DAAM1: variants seen among roughly 807,000 people sequenced by gnomAD.
The protein encoded by DAAM1 is dishevelled associated activator of morphogenesis 1.
DAAM1 carries 52 observed loss-of-function variants against 130.0 expected under a neutral mutation model. The ratio of observed to expected loss-of-function variants is 0.40; its 90% CI spans 0.32 to 0.50. The LOEUF (loss-of-function observed/expected upper bound fraction) is 0.50. Ranked by LOEUF, DAAM1 falls within the 20% of genes least tolerant of loss-of-function variation. The pLI is 0.61. For missense variants in DAAM1, 1,134 were observed against 1,303.8 expected, an observed-to-expected ratio of 0.87 and a Z score of 2.01; for synonymous variants, 452 against 444.5, an observed-to-expected ratio of 1.02 and a Z score of -0.21.
intron 2 of DAAM1, among the ~76,000 whole-genome samples, chr14:59,275,035 A>C (rs1406567048): frequency 1.3e-5 from 2 of 152,216 alleles, no homozygotes; most frequent in Non-Finnish European, 2.9e-5. Flanking sequence ...TCAGACAAGC[A>C]GCCAAACAAT....
intron 1 of DAAM1, among the ~76,000 whole-genome samples, chr14:59,202,647 C>T (rs1237197056): frequency 5.9e-5 from 9 of 152,228 alleles, no homozygotes. Context: ...AGATTATCCT[C>T]TGTCTTCAGC....
chr14:59,317,810 C>T (rs1036218130), intron 4 of DAAM1, among the ~76,000 whole-genome samples: 3 of 152,182 alleles, frequency 2.0e-5, no homozygotes, highest in Admixed American at 1.3e-4. Flanking sequence ...CCCAAAGACT[C>T]CTTTCCAATT....
chr14:59,315,216 A>C (rs1472019569), intron 3 of DAAM1, 64 bp from the exon 4 acceptor site: 5 of 1,435,590 alleles, frequency 3.5e-6, no homozygotes, highest in African/African-American at 1.4e-5. Flanking sequence ...TGGAAGTCGG[A>C]TGTGTTTCTA....
intron 1 of DAAM1, among the ~76,000 whole-genome samples, chr14:59,241,843 C>T (rs946904733): frequency 2.6e-5 from 4 of 152,038 alleles, no homozygotes; most frequent in African/African-American, 4.8e-5. Context: ...ATCCTAGATC[C>T]GGGGCTTATT....
rs371233471 is a variant in DAAM1, at chr14:59,239,873, C to G, written c.-37-23568C>G. 1.5e-4 allele frequency among the ~76,000 whole-genome samples: 23 copies of G among 152,254 alleles called. 1 individual carries two copies. The highest frequency in any genetic ancestry group is 8.5e-4 in the Admixed American group (13 of 15,294). ...CTTTATCTTTTTAGCACCATACATA[C>G]CGAAACTTGAATTACTTCCAAGCTC... On this transcript the variant is annotated intron_variant, in intron 1 of 24. Transcript: ENST00000360909.
intron 3 of DAAM1, among the ~76,000 whole-genome samples, chr14:59,313,322 C>A (rs1884664456): frequency 6.6e-6 from 1 of 152,258 alleles, no homozygotes; most frequent in Non-Finnish European, 1.5e-5. Flanking sequence ...GAAACTTTCA[C>A]ATACTCTAGC....
chr14:59,324,066 A>C (rs1885118282), intron 6 of DAAM1, 62 bp from the exon 7 acceptor site: 1 of 1,148,584 alleles, frequency 8.7e-7, no homozygotes, highest in Admixed American at 3.0e-5. Context: ...AGTATAAAAA[A>C]ATTCATAAAA....
intron 22 of DAAM1, among the ~76,000 whole-genome samples, chr14:59,361,439 G>A (rs1340640380): frequency 2.0e-5 from 3 of 152,156 alleles, no homozygotes; most frequent in Non-Finnish European, 2.9e-5. Flanking sequence ...AGGAAGCAGC[G>A]GGTTGAGGGT....
chr14:59,226,593 C>T (rs956477388), intron 1 of DAAM1, among the ~76,000 whole-genome samples: 2 of 152,126 alleles, frequency 1.3e-5, no homozygotes, highest in African/African-American at 4.8e-5. Flanking sequence ...TGGGTCATTC[C>T]TTGTAAAGTC....
intron 3 of DAAM1, among the ~76,000 whole-genome samples, chr14:59,311,555 TA>T (rs566202858): frequency 0.26 from 36,987 of 141,654 alleles, 4,639 homozygotes; most frequent in African/African-American, 0.32. Context: ...GTTTATAAGT[TA>T]AAAAAAAAAA....
intron 17 of DAAM1, among the ~76,000 whole-genome samples, chr14:59,352,122 G>C (rs1286428408): frequency 6.6e-6 from 1 of 152,208 alleles, no homozygotes; most frequent in Middle Eastern, 3.2e-3. Context: ...AAGAGACCTA[G>C]GTTCTATTTC....
chr14:59,277,273 T>G (rs1220585017), intron 2 of DAAM1, among the ~76,000 whole-genome samples: 1 of 152,112 alleles, frequency 6.6e-6, no homozygotes, highest in Non-Finnish European at 1.5e-5. Context: ...TTCCTTCGAT[T>G]GATTTGTAGC....
intron 1 of DAAM1, among the ~76,000 whole-genome samples, chr14:59,201,348 C>T (rs2139394039): frequency 1.3e-5 from 2 of 152,130 alleles, no homozygotes; most frequent in African/African-American, 4.8e-5. Context: ...TCTGGCTGGG[C>T]ATGGTGGCTC....
chr14:59,367,219 CAG>C (rs1002353692), intron 23 of DAAM1, among the ~76,000 whole-genome samples: 2 of 152,060 alleles, frequency 1.3e-5, no homozygotes, highest in Admixed American at 1.3e-4. Context: ...ACCCGAGAGA[CAG>C]AGGTTGCAGT....
chr14:59,227,689 T>C (rs1888983880), intron 1 of DAAM1, among the ~76,000 whole-genome samples: 2 of 152,292 alleles, frequency 1.3e-5, no homozygotes, highest in Middle Eastern at 6.8e-3. Flanking sequence ...AGAACATGAT[T>C]AGGAGAAGCT....
chr14:59,244,233 A>G (rs1317242122), intron 1 of DAAM1, among the ~76,000 whole-genome samples: 1 of 135,332 alleles, frequency 7.4e-6, no homozygotes, highest in Non-Finnish European at 1.6e-5. Context: ...CTGTGAGTCC[A>G]CTAAACCTAT....
rs147702865 is a variant in DAAM1 at position 59,354,693 on chromosome 14, G to A, written c.2357-472G>A. 1.6e-4 allele frequency among the ~76,000 whole-genome samples: 25 copies of A among 152,308 alleles called. 1 individual carries two copies. The highest frequency in any genetic ancestry group is 3.9e-4 in the East Asian group (2 of 5,184). ...CAACTGAAGAGCACAGCCACGGAAC[G>A]CAGGCTGGAATCAGGCATCTGCCTA... On this transcript the variant is annotated intron_variant, in intron 19 of 24. Transcript: ENST00000360909.
At chr14:59,317,991 A>C (rs769611878) in intron 4 of DAAM1, among the ~76,000 whole-genome samples, 3 of 152,222 alleles carry the variant, frequency 2.0e-5, no homozygotes, top group Non-Finnish European at 4.4e-5. Context: ...GGAGAACTGC[A>C]GCACTTACTA....
At chr14:59,311,173 T>C (rs2139599173) in intron 3 of DAAM1, among the ~76,000 whole-genome samples, 1 of 152,324 alleles carries the variant, frequency 6.6e-6, no homozygotes, top group African/African-American at 2.4e-5. Flanking sequence ...AATTTCTAAA[T>C]ATATGAGTAT....
Sources: allele counts gnomAD v4.1 joint callset (sites outside exome capture counted in the v4.1 genomes callset), GRCh38; gene constraint gnomAD v4.1.1; transcripts MANE v1.5; gene names NCBI Gene and HGNC (gene_info 2026-07-23, HGNC 2026-07-21).